Variants in C2 observed in about 807,000 individuals in gnomAD.
C2 encodes the protein C3/C5 convertase.
A neutral mutation model predicts 85.2 loss-of-function variants in C2; 64 were observed. That is an observed-to-expected ratio of 0.75 (90% CI 0.61 to 0.92). C2 has a LOEUF of 0.92. C2 is among the 40% of genes least tolerant of loss of function. The pLI, the probability that C2 is intolerant of heterozygous loss-of-function variation, is 0.00. For synonymous variants in C2, 311 were observed against 370.8 expected (o/e 0.84, Z 1.85); for missense variants, 820 against 971.6 (o/e 0.84, Z 2.07).
chr6:31,935,859 C>G lies in C2; in HGVS notation c.850-64C>G. On this transcript the variant is annotated intron_variant, in intron 6 of 17. Transcript: ENST00000299367. The surrounding 1 kb of genome is among the most constrained non-coding windows in gnomAD (Gnocchi z 4.3). Reference sequence around the variant, plus strand: ...TGCCTCCTCCAGGGCCCTTTGTTTGCTCTCTTACCATCTCCCCTTTGGCTT... The same window carrying G: ...TGCCTCCTCCAGGGCCCTTTGTTTGGTCTCTTACCATCTCCCCTTTGGCTT... The G allele has an allele frequency of 6.3e-7, 1 of 1,586,462 alleles. No individual in the cohort carries two copies. The highest frequency in any genetic ancestry group is 8.6e-7 in the Non-Finnish European group (1 of 1,159,908).
At chr6:31,898,371 G>A (rs1459617502), upstream of C2, among the ~76,000 whole-genome samples, 2 of 152,192 alleles carry the variant, frequency 1.3e-5, no homozygotes, top group Non-Finnish European at 2.9e-5. Flanking sequence ...CAGGTACTCC[G>A]TGGGTCATAG....
At chr6:31,928,572 G>A (rs1769455582) in intron 2 of C2, among the ~76,000 whole-genome samples, 160 bp from the exon 3 acceptor site, 1 of 152,144 alleles carries the variant, frequency 6.6e-6, no homozygotes, top group Admixed American at 6.5e-5. Flanking sequence ...TCAATCAGTT[G>A]CCAAAAACAG....
At chr6:31,900,192 T>C, upstream of C2, 1 of 1,614,208 alleles carries the variant, frequency 6.2e-7, no homozygotes, top group Non-Finnish European at 8.5e-7. This position sits in a 1 kb window ranked among gnomAD's most constrained non-coding sequence, Gnocchi z 9.7. Flanking sequence ...TTGAGGTTGC[T>C]GCTGTGGTTG....
intron 4 of C2, 22 bp downstream of exon 4, chr6:31,933,805 C>T: frequency 6.2e-7 from 1 of 1,613,828 alleles, no homozygotes; most frequent in Non-Finnish European, 8.5e-7. Flanking sequence ...CCCTGCCCTC[C>T]TGAGATTCCT....
chr6:31,900,433 G>A (rs1320154937), upstream of C2: 2 of 1,557,796 alleles, frequency 1.3e-6, no homozygotes, highest in East Asian at 2.4e-5. This position sits in a 1 kb window ranked among gnomAD's most constrained non-coding sequence, Gnocchi z 9.7. Context: ...CCAGGCCCGA[G>A]GTGGCCCCCA....
chr6:31,932,106 C>A (rs1333069357), intron 3 of C2, among the ~76,000 whole-genome samples: 1 of 126,844 alleles, frequency 7.9e-6, no homozygotes, highest in Non-Finnish European at 1.7e-5. Context: ...GGGCGGCTGG[C>A]CGGGCGAGGG....
At chr6:31,942,279 A>T (rs1181509633) in intron 9 of C2, among the ~76,000 whole-genome samples, 2 of 148,686 alleles carry the variant, frequency 1.3e-5, no homozygotes, top group Admixed American at 6.9e-5. Context: ...GACCTCAGTC[A>T]TTGGATTAGA....
intron 3 of C2, among the ~76,000 whole-genome samples, chr6:31,931,574 T>G (rs1002985481): frequency 6.6e-6 from 1 of 151,852 alleles, no homozygotes; most frequent in African/African-American, 2.4e-5. Flanking sequence ...GAGCACAGGG[T>G]TGGGGGTAAG....
Position 31,920,426 on chromosome 6 carries a change from C to T in C2, c.-100+400C>T, listed in dbSNP as rs944699303. 6.6e-6 allele frequency among the ~76,000 whole-genome samples: 1 copy of T among 152,116 alleles called. No homozygotes were observed. The highest frequency in any genetic ancestry group is 1.5e-5 in the Non-Finnish European group (1 of 68,006). On this transcript the variant is annotated intron_variant, in intron 1 of 3. Transcript: ENST00000413154. The surrounding 1 kb of genome is among the most constrained non-coding windows in gnomAD (Gnocchi z 5.6). ...AAGGGCAGAGGAGGCTAGTGAGGCC[C>T]CCACTGCCACCAATGCTAAGCCCAG...
In C2 at chr6:31,920,829, C is replaced by A. The variant is rs747712954; in HGVS notation, c.-100+803C>A. Among the ~76,000 whole-genome samples the A allele has an allele frequency of 6.6e-6, 1 of 152,178 alleles. No homozygotes were observed. Among genetic ancestry groups the A allele is most frequent in the Non-Finnish European group, 1.5e-5 (1 of 68,032 alleles). ...GGAGGCCCTACCCCACCCCTTAGTT[C>A]CTCGTTCCATTCTCAGGAATTGTTT... On this transcript the variant is annotated intron_variant, in intron 1 of 3. Coordinates refer to the C2 transcript ENST00000413154. This position sits in a 1 kb window ranked among gnomAD's most constrained non-coding sequence, Gnocchi z 5.6.
At chr6:31,925,104 C>T (rs1436753957), upstream of C2, among the ~76,000 whole-genome samples, 2 of 152,184 alleles carry the variant, frequency 1.3e-5, no homozygotes, top group East Asian at 1.9e-4. Flanking sequence ...CCCTAGCTGA[C>T]TGCCGCTGCA....
upstream of C2, among the ~76,000 whole-genome samples, chr6:31,922,747 CAGG>C (rs748895421): frequency 2.2e-4 from 34 of 152,274 alleles, no homozygotes; most frequent in Admixed American, 4.6e-4. The surrounding 1 kb of genome is among the most constrained non-coding windows in gnomAD (Gnocchi z 4.8). Context: ...GAGTCTGAGG[CAGG>C]AGAATCCCTT....
chr6:31,942,086 G>A (rs1770931278), intron 9 of C2, among the ~76,000 whole-genome samples: 1 of 150,060 alleles, frequency 6.7e-6, no homozygotes, highest in African/African-American at 2.5e-5. Flanking sequence ...AGAGTGCTGG[G>A]ATTACAGGTG....
chr6:31,943,053 TC>T lies in C2; in HGVS notation c.1315del (p.Leu439CysfsTer65), dbSNP rs1195673407. 4 of 1,613,016 alleles carry T rather than the reference TC, an allele frequency of 2.5e-6. No homozygotes were observed. Among genetic ancestry groups the T allele is most frequent in the Non-Finnish European group, 3.4e-6 (4 of 1,180,020 alleles). Reference protein sequence around the residue: ...KKDGERHAFILQDTKALHQVF... With the variant: ...KKDGERHAFIXQDTKALHQVF... ...AGGATGGTGAGAGGCATGCCTTCATTCTGCAGGACACAAAGGCTCTGCACCA... is the reference window on the plus strand; with the variant it reads ...AGGATGGTGAGAGGCATGCCTTCATTTGCAGGACACAAAGGCTCTGCACCA... On this transcript the variant is annotated frameshift_variant, in exon 10 of 18. Coordinates refer to ENST00000299367, the MANE Select transcript of C2 (RefSeq NM_000063.6). LOFTEE classifies it high-confidence loss of function. The surrounding 1 kb of genome is among the most constrained non-coding windows in gnomAD (Gnocchi z 6.4).
Position 31,945,498 on chromosome 6 carries a change from C to A in C2, c.*141C>A, listed in dbSNP as rs1026987640. The A allele has an allele frequency of 1.2e-6, 1 of 816,002 alleles. No homozygotes were observed. The highest frequency in any genetic ancestry group is 2.0e-6 in the Non-Finnish European group (1 of 493,242). 50.5% of individuals were successfully genotyped at this position (816,002 alleles called of 1,614,324 possible). ...CGGGTCTCTAGGATGCCAGAGGCAG[C>A]GCACACAAGCTGGGAAATCCTCAGG... is the stretch of plus-strand genomic sequence containing the variant. On this transcript the variant is annotated 3_prime_UTR_variant, in exon 18 of 18. Transcript: ENST00000299367. The surrounding 1 kb of genome is among the most constrained non-coding windows in gnomAD (Gnocchi z 5.3).
rs1228472050 is a variant in C2, at chr6:31,928,036, C to G, written c.128C>G (p.Pro43Arg). The G allele has an allele frequency of 1.2e-6, 2 of 1,614,040 alleles. No individual in the cohort carries two copies. Among genetic ancestry groups the G allele is most frequent in the Non-Finnish European group, 1.7e-6 (2 of 1,180,020 alleles). The change falls in exon 2 of 18, where the codon CCT becomes CGT. Residue 43 changes from proline (P) to arginine (R), a missense_variant. Physicochemically the swap from Pro to Arg is moderately radical, Grantham distance 103 (BLOSUM62 -2). Coordinates refer to ENST00000299367, the MANE Select transcript of C2 (RefSeq NM_000063.6). ...GTFTLSHGWA[P>R]GSLLTYSCPQ... ...TTCACCCTCAGCCATGGCTGGGCTC[C>G]TGGGAGCCTTCTCACCTACTCCTGC...
Position 31,937,742 on chromosome 6 carries a change from C to T in C2, c.1129+283C>T, listed in dbSNP as rs185529992. Among the ~76,000 whole-genome samples, 70 of 150,770 alleles carry T rather than the reference C, an allele frequency of 4.6e-4. No homozygotes were observed. The South Asian group carries it at 6.3e-3, about 14-fold the overall frequency. On this transcript the variant is annotated intron_variant, in intron 8 of 17. Transcript: ENST00000299367. Reference sequence around the variant, plus strand: ...AATAGGGCCAGTGTGGTGGCTTATGCCTGTAGTCCCAGCACTTTGGGAGGC... The same window carrying T: ...AATAGGGCCAGTGTGGTGGCTTATGTCTGTAGTCCCAGCACTTTGGGAGGC...
chr6:31,937,572 G>A, intron 8 of C2, 113 bp downstream of exon 8: 7 of 1,394,274 alleles, frequency 5.0e-6, no homozygotes, highest in Non-Finnish European at 7.1e-6. Context: ...CCCCAGTTTT[G>A]TTTTTGTTTT....
intron 1 of C2, among the ~76,000 whole-genome samples, chr6:31,909,520 A>AG (rs1767945283): frequency 6.6e-6 from 1 of 151,568 alleles, no homozygotes; most frequent in African/African-American, 2.4e-5. Flanking sequence ...GGAACTCCTG[A>AG]GCTCAAGGGA....
Sources: gnomAD v4.1 joint callset for allele counts (sites outside exome capture counted in the v4.1 genomes callset) on GRCh38, gnomAD v4.1.1 for gene constraint, Gnocchi (gnomAD v3.1) non-coding constraint, MANE v1.5 for transcripts, NCBI Gene and HGNC (gene_info 2026-07-23, HGNC 2026-07-21) for gene names.